Variants in EGFR observed in about 807,000 individuals in gnomAD.
The protein encoded by EGFR is avian erythroblastic leukemia viral (v-erb-b) oncogene homolog.
EGFR carries 58 observed loss-of-function variants against 143.0 expected under a neutral mutation model. The ratio of observed to expected loss-of-function variants is 0.41; its 90% confidence interval spans 0.33 to 0.50. The LOEUF is 0.50. Among genes scored for constraint, EGFR ranks in the 20% least tolerant of loss-of-function variants. EGFR has a pLI of 0.39. For synonymous variants in EGFR, 613 were observed against 594.4 expected, an observed-to-expected ratio of 1.03 and a Z score of -0.45; for missense variants, 1,307 against 1,579.0, an observed-to-expected ratio of 0.83 and a Z score of 2.92.
rs1052797606 is a variant in EGFR, at chr7:55,157,652, C to T, written c.1208-11C>T. ...GTGGTGTGTGTCTGAAGTCTTTCAT[C>T]TGCCTTACAGGGTTTTTGCTGATTC... On this transcript the variant is annotated splice_polypyrimidine_tract_variant and intron_variant, in intron 10 of 27. Transcript: ENST00000275493. The T allele has an allele frequency of 3.7e-6, 6 of 1,613,722 alleles. No homozygotes were observed. In the Admixed American group the frequency reaches 1.0e-4, roughly 27 times the overall value.
intron 1 of EGFR, among the ~76,000 whole-genome samples, chr7:55,060,755 T>C (rs73340800): frequency 0.014 from 2,078 of 152,268 alleles, 42 homozygotes; most frequent in African/African-American, 0.047. Context: ...TGCAGTTCCC[T>C]GTGAAAGGGT....
At chr7:55,145,245 C>CG (rs1794702715) in intron 3 of EGFR, among the ~76,000 whole-genome samples, 1 of 152,164 alleles carries the variant, frequency 6.6e-6, no homozygotes, top group Non-Finnish European at 1.5e-5. Context: ...GTCTGTTGTC[C>CG]GAGCTGCCAC....
chr7:55,169,647 A>G (rs1292253881), intron 15 of EGFR, among the ~76,000 whole-genome samples: 6 of 152,006 alleles, frequency 3.9e-5, no homozygotes, highest in African/African-American at 1.5e-4. Context: ...GCTTGAGTTC[A>G]TACTCAATAG....
intron 1 of EGFR, among the ~76,000 whole-genome samples, chr7:55,069,447 C>T (rs1789699959): frequency 6.6e-6 from 1 of 152,202 alleles, no homozygotes; most frequent in South Asian, 2.1e-4. Context: ...CTTAAAAAGA[C>T]CCCTTGTTCT....
In EGFR at chr7:55,153,364, C is replaced by A. The variant is rs567194274; in HGVS notation, c.748-647C>A. Among the ~76,000 whole-genome samples, 8 of 152,370 alleles carry A rather than the reference C, an allele frequency of 5.3e-5. No homozygotes were observed. The East Asian group carries it at 1.5e-3, about 29-fold the overall frequency. On this transcript the variant is annotated intron_variant, in intron 6 of 27. Coordinates refer to ENST00000275493, the MANE Select transcript of EGFR (RefSeq NM_005228.5). ...GAGACGCCAAGGCTGGTGGATGTGA[C>A]TCCTGGAGTGGGAGCTGGTGTGACG...
In EGFR at chr7:55,206,463, C is replaced by G. The variant is rs1048907157; in HGVS notation, c.*846C>G. 8.6e-6 allele frequency: 2 copies of G among 233,216 alleles called. No individual in the cohort carries two copies. Among genetic ancestry groups the G allele is most frequent in the Non-Finnish European group, 8.5e-6 (1 of 118,120 alleles). The allele number at this position is 233,216 out of a possible 1,614,324, so 14.4% of individuals were successfully genotyped here. ...AAATAATAACTCGGATTCCAGCCCA[C>G]ATTGGATTCATCAGCATTTGGACCA... On this transcript the variant is annotated 3_prime_UTR_variant, in exon 28 of 28. Transcript: ENST00000275493.
intron 19 of EGFR, 70 bp from the exon 20 acceptor site, chr7:55,181,223 A>T (rs1260760919): frequency 2.1e-5 from 33 of 1,548,072 alleles, no homozygotes; most frequent in Non-Finnish European, 2.9e-5. Context: ...CTTCACCTGG[A>T]AGGGGTCCAT....
At chr7:55,141,155 C>A (rs1028326082) in intron 1 of EGFR, among the ~76,000 whole-genome samples, 2 of 152,136 alleles carry the variant, frequency 1.3e-5, no homozygotes, top group Admixed American at 6.5e-5. Context: ...AGGCTCAATC[C>A]AACATCCAAA....
At chr7:55,161,728 C>G (rs1785715431) in intron 13 of EGFR, 97 bp downstream of exon 13, 2 of 1,594,180 alleles carry the variant, frequency 1.3e-6, no homozygotes, top group East Asian at 2.2e-5. Context: ...TTTTCTCTTC[C>G]TTTTATTCTT....
At chr7:55,100,780 CTCACGTCACACA>C (rs1791765305) in intron 1 of EGFR, among the ~76,000 whole-genome samples, 1 of 152,244 alleles carries the variant, frequency 6.6e-6, no homozygotes, top group Admixed American at 6.5e-5. Flanking sequence ...GCTGCCAAGC[CTCACGTCACACA>C]TCACTGTTAG....
intron 1 of EGFR, among the ~76,000 whole-genome samples, chr7:55,023,854 A>C (rs569321601): frequency 6.6e-6 from 1 of 152,090 alleles, no homozygotes; most frequent in Non-Finnish European, 1.5e-5. Context: ...ATTAAACATC[A>C]TAGTGTTTTC....
chr7:55,024,820 A>G (rs564646643), intron 1 of EGFR, among the ~76,000 whole-genome samples: 1 of 152,324 alleles, frequency 6.6e-6, no homozygotes, highest in Non-Finnish European at 1.5e-5. Context: ...GCTAGAGATA[A>G]TAAGTGTGAA....
Position 55,170,251 on chromosome 7 carries a change from A to C in EGFR, c.1881-924A>C, listed in dbSNP as rs190894824. 9.0e-4 allele frequency: 1,457 copies of C among 1,613,374 alleles called. 1 individual carries two copies. The highest frequency in any genetic ancestry group is 1.1e-3 in the Non-Finnish European group (1,329 of 1,179,954). On this transcript the variant is annotated intron_variant, in intron 15 of 27. Transcript: ENST00000275493. ...TGTTAGGATCAGATTATAGTGTTAC[A>C]CCAGGGCTCCCCAGGCCTCTCACAT...
At chr7:55,135,776 A>T (rs1487688801) in intron 1 of EGFR, among the ~76,000 whole-genome samples, 1 of 152,130 alleles carries the variant, frequency 6.6e-6, no homozygotes, top group Admixed American at 6.5e-5. Context: ...AATTTATAAA[A>T]TTTTTTTATG....
chr7:55,193,577 G>A (rs1787494038), intron 22 of EGFR, among the ~76,000 whole-genome samples: 1 of 152,116 alleles, frequency 6.6e-6, no homozygotes, highest in East Asian at 1.9e-4. Context: ...TACCGCACTT[G>A]GTCCTTGAAT....
chr7:55,202,363 C>T (rs1291125850), intron 26 of EGFR, among the ~76,000 whole-genome samples, 154 bp from the exon 27 acceptor site: 1 of 152,178 alleles, frequency 6.6e-6, no homozygotes, highest in Admixed American at 6.5e-5. Flanking sequence ...AGCCTGTGGC[C>T]CAGTAGCACC....
chr7:55,022,867 C>T (rs1786656643), intron 1 of EGFR, among the ~76,000 whole-genome samples: 1 of 152,230 alleles, frequency 6.6e-6, no homozygotes, highest in Non-Finnish European at 1.5e-5. Context: ...ACTTGGTCCA[C>T]GTGACAGCAC....
intron 22 of EGFR, 81 bp from the exon 23 acceptor site, chr7:55,198,636 C>G (rs1787720102): frequency 6.3e-7 from 1 of 1,594,840 alleles, no homozygotes; most frequent in Admixed American, 1.7e-5. Context: ...GAAACAGTAA[C>G]CAGTAATGAT....
intron 1 of EGFR, among the ~76,000 whole-genome samples, chr7:55,054,544 G>C (rs886921105): frequency 1.3e-5 from 2 of 152,212 alleles, no homozygotes; most frequent in Non-Finnish European, 2.9e-5. Context: ...AGAGGGGAAC[G>C]CTCCCTCGTC....
Sources: gnomAD v4.1 joint callset for allele counts (sites outside exome capture counted in the v4.1 genomes callset) on GRCh38, gnomAD v4.1.1 for gene constraint, MANE v1.5 for transcripts, NCBI Gene and HGNC (gene_info 2026-07-23, HGNC 2026-07-21) for gene names.